The following PCDHGB4 variants were observed in gnomAD, a reference collection of about 807,000 sequenced individuals.
PCDHGB4 encodes protocadherin gamma subfamily B, 4.
PCDHGB4 carries 38 observed loss-of-function variants against 60.5 expected under a neutral mutation model. The observed-to-expected ratio is 0.63, with a 90% CI of 0.48 to 0.82. The LOEUF (loss-of-function observed/expected upper bound fraction) is 0.82, where lower values mean the gene tolerates loss of function less well. Among genes scored for constraint, PCDHGB4 ranks in the 40% least tolerant of loss-of-function variants. PCDHGB4 has a pLI of 0.00. For synonymous variants in PCDHGB4, 456 were observed against 509.7 expected, an observed-to-expected ratio of 0.89 and a Z score of 1.42; for missense variants, 1,109 against 1,209.6, an observed-to-expected ratio of 0.92 and a Z score of 1.23.
At position 141,403,020 on chromosome 5, in the gene PCDHGB4, T is replaced by A. The variant is rs761279674; in HGVS notation, c.2397+12739T>A. ...CTGCTATGCTCGCTCCTGGGGATGCTATGGGAGGCCAGGGCCAGTCAGATT... is the reference window on the plus strand; with the variant it reads ...CTGCTATGCTCGCTCCTGGGGATGCAATGGGAGGCCAGGGCCAGTCAGATT... On this transcript the variant is annotated intron_variant, in intron 1 of 3. Transcript: ENST00000519479. The A allele has an allele frequency of 8.1e-6, 13 of 1,614,034 alleles. 1 individual carries two copies. The South Asian group carries it at 1.4e-4, about 18-fold the overall frequency.
At chr5:141,417,213 G>A (rs1470553702) in intron 1 of PCDHGB4, 2 of 152,108 alleles carry the variant, frequency 1.3e-5, no homozygotes, top group African/African-American at 4.8e-5. Context: ...GGCTAGAATT[G>A]AAGACAAAAA....
chr5:141,403,607 G>A (rs2094432931), intron 1 of PCDHGB4: 6 of 1,613,854 alleles, frequency 3.7e-6, no homozygotes, highest in Non-Finnish European at 5.1e-6. Flanking sequence ...GGATGGCGGC[G>A]AGCCGCGTCG....
chr5:141,494,491 T>C (rs2099754727), intron 1 of PCDHGB4, among the ~76,000 whole-genome samples: 1 of 152,150 alleles, frequency 6.6e-6, no homozygotes, highest in Admixed American at 6.5e-5. Context: ...AGAAGATGCC[T>C]TCAGTCCTTG....
chr5:141,502,900 T>C (rs1433421797), intron 2 of PCDHGB4, among the ~76,000 whole-genome samples: 2 of 147,288 alleles, frequency 1.4e-5, no homozygotes, highest in Non-Finnish European at 3.0e-5. Flanking sequence ...TCTAGCTCTG[T>C]TGCCAGGCTG....
At chr5:141,394,717 G>A (rs1403492553) in intron 1 of PCDHGB4, 1 of 1,613,320 alleles carries the variant, frequency 6.2e-7, no homozygotes, top group East Asian at 2.2e-5. Flanking sequence ...CTGCTGGACA[G>A]AGATGCGCTC....
chr5:141,404,475 A>G, intron 1 of PCDHGB4: 1 of 1,613,732 alleles, frequency 6.2e-7, no homozygotes, highest in Non-Finnish European at 8.5e-7. Flanking sequence ...GTCTCTATTA[A>G]CTCAGACACT....
Position 141,413,494 on chromosome 5 carries a change from G to T in PCDHGB4, c.2397+23213G>T, listed in dbSNP as rs778441176. On this transcript the variant is annotated intron_variant, in intron 1 of 3. Transcript: ENST00000519479. ...GCTCTGCGCTCAGAGCGCGCGGTGCGTGGTGAGTTTTAATATCCTTGTGGA... is the reference window on the plus strand; with the variant it reads ...GCTCTGCGCTCAGAGCGCGCGGTGCTTGGTGAGTTTTAATATCCTTGTGGA... The T allele has an allele frequency of 5.0e-6, 8 of 1,614,042 alleles. No individual in the cohort carries two copies. The East Asian group carries it at 1.3e-4, about 27-fold the overall frequency.
At chr5:141,478,665 A>G (rs749063178) in intron 1 of PCDHGB4, 88 of 1,551,690 alleles carry the variant, frequency 5.7e-5, no homozygotes, top group Non-Finnish European at 3.7e-5. Flanking sequence ...ATGCATTCAC[A>G]CTTTCAACTG....
intron 1 of PCDHGB4, chr5:141,415,347 C>T (rs1369709460): frequency 1.9e-6 from 3 of 1,614,120 alleles, no homozygotes; most frequent in Non-Finnish European, 2.5e-6. Context: ...GGCGCTGGCA[C>T]AAGTCACGCC....
chr5:141,395,190 A>T (rs769197632), intron 1 of PCDHGB4: 1 of 1,614,028 alleles, frequency 6.2e-7, no homozygotes, highest in East Asian at 2.2e-5. Context: ...TTCTTTGTTA[A>T]CATCCGTAGA....
At chr5:141,401,835 T>C (rs983491795) in intron 1 of PCDHGB4, among the ~76,000 whole-genome samples, 2 of 152,326 alleles carry the variant, frequency 1.3e-5, no homozygotes, top group South Asian at 4.1e-4. Context: ...AGATTTCTTA[T>C]AATACCACTT....
At chr5:141,403,774 C>A (rs1350465491) in intron 1 of PCDHGB4, 1 of 1,613,786 alleles carries the variant, frequency 6.2e-7, no homozygotes, top group Non-Finnish European at 8.5e-7. Context: ...AGGGAATCAA[C>A]GGAAAAGTGG....
intron 1 of PCDHGB4, chr5:141,390,762 C>T (rs2092226751): frequency 6.0e-6 from 1 of 166,616 alleles, no homozygotes; most frequent in African/African-American, 2.4e-5. Context: ...GTTTTGTTTC[C>T]TGTGTTAACT....
At chr5:141,456,647 C>G (rs773458307) in intron 1 of PCDHGB4, among the ~76,000 whole-genome samples, 2 of 152,152 alleles carry the variant, frequency 1.3e-5, no homozygotes, top group African/African-American at 4.8e-5. Context: ...AGGTGTTAAT[C>G]CCAAAGAAGC....
intron 1 of PCDHGB4, among the ~76,000 whole-genome samples, chr5:141,459,014 T>C (rs1429233660): frequency 6.6e-6 from 1 of 152,240 alleles, no homozygotes; most frequent in East Asian, 1.9e-4. Context: ...ATTACAGGCA[T>C]GAGCCACCAC....
intron 1 of PCDHGB4, chr5:141,428,862 T>TC (rs1345604550): frequency 2.7e-5 from 2 of 74,856 alleles, no homozygotes; most frequent in African/African-American, 2.0e-4. Flanking sequence ...ACGGGAGACT[T>TC]TTTTTTTTTT....
chr5:141,393,187 A>T (rs1327222319), intron 1 of PCDHGB4: 1 of 1,613,380 alleles, frequency 6.2e-7, no homozygotes, highest in East Asian at 2.2e-5. Flanking sequence ...GAAATAATTG[A>T]TATTAACGAT....
intron 1 of PCDHGB4, among the ~76,000 whole-genome samples, chr5:141,407,444 C>G (rs578101282): frequency 6.7e-6 from 1 of 150,116 alleles, no homozygotes; most frequent in South Asian, 2.1e-4. Flanking sequence ...AAAACCAGAA[C>G]ACGAGGCTCA....
At chr5:141,475,059 G>T (rs2099358742) in intron 1 of PCDHGB4, among the ~76,000 whole-genome samples, 1 of 152,180 alleles carries the variant, frequency 6.6e-6, no homozygotes, top group South Asian at 2.1e-4. Flanking sequence ...AAAGATTTGT[G>T]GAGCTTTGCT....
Sources: gnomAD v4.1 joint callset for allele counts (sites outside exome capture counted in the v4.1 genomes callset) on GRCh38, gnomAD v4.1.1 for gene constraint, MANE v1.5 for transcripts, NCBI Gene and HGNC (gene_info 2026-07-23, HGNC 2026-07-21) for gene names.